The following CATSPERT variants were observed in gnomAD, a reference collection of about 807,000 sequenced individuals.
CATSPERT encodes cation channel sperm-associated targeting subunit tau.
the CATSPERT span, among the ~76,000 whole-genome samples, chr2:201,605,222 A>C: frequency 4.7e-4 from 72 of 152,228 alleles, no homozygotes; most frequent in African/African-American, 1.6e-3. Flanking sequence ...GGGAACACAA[A>C]AGGAAGCACA....
the CATSPERT span, among the ~76,000 whole-genome samples, chr2:201,605,557 C>T: frequency 1.3e-5 from 2 of 152,066 alleles, no homozygotes; most frequent in African/African-American, 2.4e-5. Context: ...TAAAAAAAAA[C>T]TGCTTCAATA....
At chr2:201,500,964 A>G in the CATSPERT span, among the ~76,000 whole-genome samples, 4 of 152,304 alleles carry the variant, frequency 2.6e-5, no homozygotes, top group East Asian at 1.9e-4. Context: ...TTAAAAACCA[A>G]TGGGTCACAG....
the CATSPERT span, among the ~76,000 whole-genome samples, chr2:201,581,548 GTATATATATATATATATATATATATATA>G: frequency 1.0e-3 from 10 of 9,662 alleles, 1 homozygote; most frequent in African/African-American, 1.8e-3. Context: ...AAAAATGTGT[GTATATATATATATATATATATATATATA>G]TATATATATA....
the CATSPERT span, among the ~76,000 whole-genome samples, chr2:201,544,615 G>A: frequency 5.3e-5 from 8 of 151,772 alleles, no homozygotes; most frequent in Non-Finnish European, 7.4e-5. Flanking sequence ...TAGCTCTATA[G>A]TTCACAATGT....
chr2:201,618,971 C>G, the CATSPERT span: 108 of 1,613,852 alleles, frequency 6.7e-5, no homozygotes, highest in Non-Finnish European at 8.9e-5. Context: ...TGGTTCAGGG[C>G]GTAAGGGACC....
chr2:201,590,664 T>A, the CATSPERT span, among the ~76,000 whole-genome samples: 1 of 152,144 alleles, frequency 6.6e-6, no homozygotes, highest in East Asian at 1.9e-4. Flanking sequence ...CCTGACTTTT[T>A]AATGATTGCC....
At chr2:201,607,885 A>C in the CATSPERT span, among the ~76,000 whole-genome samples, 1 of 152,176 alleles carries the variant, frequency 6.6e-6, no homozygotes, top group Non-Finnish European at 1.5e-5. Context: ...TATGCTGAGA[A>C]GAGAGGTCTC....
At chr2:201,589,303 T>A in the CATSPERT span, among the ~76,000 whole-genome samples, 245 of 152,054 alleles carry the variant, frequency 1.6e-3, 1 homozygote, top group African/African-American at 5.4e-3. Context: ...ACCAAAGCAA[T>A]CCTAAGCAAA....
chr2:201,515,213 T>C, the CATSPERT span, among the ~76,000 whole-genome samples: 1 of 26,196 alleles, frequency 3.8e-5, no homozygotes, highest in Non-Finnish European at 6.7e-5. Context: ...TTTTTTTTTT[T>C]TTTTTTTTTT....
the CATSPERT span, among the ~76,000 whole-genome samples, chr2:201,606,705 C>T: frequency 1.3e-5 from 2 of 152,068 alleles, no homozygotes; most frequent in Non-Finnish European, 2.9e-5. Flanking sequence ...TTGAGACCAG[C>T]TTGGCCAACA....
At chr2:201,492,606 T>A in the CATSPERT span, 1 of 1,526,816 alleles carries the variant, frequency 6.5e-7, no homozygotes, top group Non-Finnish European at 8.8e-7. Flanking sequence ...AACTGCTTTC[T>A]GAAATGTTTT....
chr2:201,562,472 C>T, the CATSPERT span, among the ~76,000 whole-genome samples: 1 of 151,992 alleles, frequency 6.6e-6, no homozygotes, highest in African/African-American at 2.4e-5. Flanking sequence ...CAGGCGTGAG[C>T]CACCACGCCC....
At chr2:201,585,684 T>C in the CATSPERT span, among the ~76,000 whole-genome samples, 1 of 152,172 alleles carries the variant, frequency 6.6e-6, no homozygotes, top group Non-Finnish European at 1.5e-5. Flanking sequence ...AATTAAAGTT[T>C]CTAAGATCCT....
the CATSPERT span, among the ~76,000 whole-genome samples, chr2:201,611,703 A>AC: frequency 6.6e-6 from 1 of 151,998 alleles, no homozygotes; most frequent in Non-Finnish European, 1.5e-5. Context: ...CAGTCAAAAA[A>AC]AAAACAACTG....
At chr2:201,561,072 C>A in the CATSPERT span, among the ~76,000 whole-genome samples, 1 of 152,156 alleles carries the variant, frequency 6.6e-6, no homozygotes. Flanking sequence ...TGAGCCACCA[C>A]GCCCGGCCAG....
the CATSPERT span, among the ~76,000 whole-genome samples, chr2:201,613,948 A>G: frequency 6.6e-6 from 1 of 152,208 alleles, no homozygotes; most frequent in African/African-American, 2.4e-5. Flanking sequence ...CAAGTGGAAG[A>G]AAGGGTATCA....
chr2:201,540,011 A>G, the CATSPERT span, among the ~76,000 whole-genome samples: 1 of 152,112 alleles, frequency 6.6e-6, no homozygotes, highest in South Asian at 2.1e-4. Context: ...GCAGATATGG[A>G]GAAAATTTTA....
the CATSPERT span, chr2:201,565,757 CA>C: frequency 4.7e-6 from 7 of 1,486,406 alleles, no homozygotes; most frequent in Non-Finnish European, 6.3e-6. Context: ...TGAAGTTTTT[CA>C]AGTCGCACTA....
the CATSPERT span, among the ~76,000 whole-genome samples, chr2:201,531,945 A>G: frequency 1.3e-5 from 2 of 152,214 alleles, no homozygotes; most frequent in Non-Finnish European, 2.9e-5. Context: ...CGTCTTTACA[A>G]GATCGGTCTG....
Sources: allele counts gnomAD v4.1 joint callset (sites outside exome capture counted in the v4.1 genomes callset), GRCh38; gene constraint gnomAD v4.1.1; transcripts MANE v1.5; gene names NCBI Gene and HGNC (gene_info 2026-07-23, HGNC 2026-07-21).